The following SCYL3 variants were observed in gnomAD, a reference collection of about 807,000 sequenced individuals.
SCYL3 encodes SCY1 like pseudokinase 3.
SCYL3 carries 35 observed loss-of-function variants against 73.8 expected under a neutral mutation model. The observed-to-expected ratio is 0.47, with a 90% CI of 0.36 to 0.63. The LOEUF is 0.63. SCYL3 is among the 20% of genes least tolerant of loss of function. The pLI is 0.00. For missense variants in SCYL3, 712 were observed against 798.9 expected (o/e 0.89, Z 1.31); for synonymous variants, 277 against 295.2 (o/e 0.94, Z 0.63).
At chr1:169,888,149 T>C (rs1661809282) in intron 2 of SCYL3, among the ~76,000 whole-genome samples, 1 of 152,260 alleles carries the variant, frequency 6.6e-6, no homozygotes, top group Non-Finnish European at 1.5e-5. Flanking sequence ...TGGGGTTATT[T>C]TATTGACTTA....
chr1:169,876,143 G>T (rs1344819542), intron 3 of SCYL3, 52 bp from the exon 4 acceptor site: 2 of 1,048,392 alleles, frequency 1.9e-6, no homozygotes, highest in Non-Finnish European at 2.7e-6. Context: ...ATCTGAAATA[G>T]AAATTTACTT....
intron 4 of SCYL3, among the ~76,000 whole-genome samples, chr1:169,874,439 C>T (rs982936565): frequency 1.6e-4 from 24 of 152,072 alleles, no homozygotes; most frequent in African/African-American, 4.1e-4. Flanking sequence ...AGGGGAATGC[C>T]TAGGGGAAGG....
chr1:169,869,647 C>T (rs2102168776), intron 6 of SCYL3, among the ~76,000 whole-genome samples: 1 of 152,238 alleles, frequency 6.6e-6, no homozygotes, highest in Admixed American at 6.5e-5. Flanking sequence ...ACACATGCCT[C>T]AGTAAACTCA....
intron 1 of SCYL3, among the ~76,000 whole-genome samples, chr1:169,893,330 G>A (rs1418125558): frequency 6.6e-6 from 1 of 152,152 alleles, no homozygotes; most frequent in Non-Finnish European, 1.5e-5. Flanking sequence ...TCCCGAGGGC[G>A]GGCGCGCCCC....
At chr1:169,887,497 C>A (rs956867558) in intron 2 of SCYL3, among the ~76,000 whole-genome samples, 1 of 152,056 alleles carries the variant, frequency 6.6e-6, no homozygotes, top group African/African-American at 2.4e-5. Flanking sequence ...AATGCACAAT[C>A]TTATTAGATG....
intron 2 of SCYL3, among the ~76,000 whole-genome samples, chr1:169,883,525 A>G (rs527928034): frequency 2.2e-4 from 34 of 152,254 alleles, no homozygotes; most frequent in African/African-American, 7.5e-4. Flanking sequence ...AACCCTCAAT[A>G]TATTACCAGG....
chr1:169,873,629 G>C, intron 5 of SCYL3, 67 bp downstream of exon 5: 1 of 1,126,552 alleles, frequency 8.9e-7, no homozygotes, highest in Non-Finnish European at 1.3e-6. Flanking sequence ...GCAGAGGAAA[G>C]TTTTTTAAAA....
intron 2 of SCYL3, among the ~76,000 whole-genome samples, chr1:169,881,908 G>T (rs1352266379): frequency 1.3e-5 from 2 of 152,220 alleles, no homozygotes; most frequent in African/African-American, 4.8e-5. Flanking sequence ...TAGGGTTCCT[G>T]CTCCTATGAG....
chr1:169,853,152 G>A lies in SCYL3; in HGVS notation c.*561C>T, dbSNP rs1388827151. The A allele has an allele frequency of 1.4e-6, 1 of 707,798 alleles. No individual in the cohort carries two copies. The highest frequency in any genetic ancestry group is 1.8e-5 in the African/African-American group (1 of 55,610). 43.8% of individuals were successfully genotyped at this position (707,798 alleles called of 1,614,324 possible). A position where few individuals can be genotyped will look rare whatever the true frequency, so the allele number is the denominator to read the frequency against. On this transcript the variant is annotated 3_prime_UTR_variant, in exon 13 of 13. Coordinates refer to ENST00000367771, the MANE Select transcript of SCYL3 (RefSeq NM_020423.7). ...GGATTGTGGGGAATATTCTTATTAAGAACTTTGGTACAATGTACTACATGT... is the reference window on the plus strand; with the variant it reads ...GGATTGTGGGGAATATTCTTATTAAAAACTTTGGTACAATGTACTACATGT...
At chr1:169,879,884 T>C (rs991470791) in intron 2 of SCYL3, among the ~76,000 whole-genome samples, 7 of 152,182 alleles carry the variant, frequency 4.6e-5, no homozygotes, top group Non-Finnish European at 1.0e-4. Context: ...AATTAATGTA[T>C]AGACTCATTA....
chr1:169,878,583 C>A, intron 3 of SCYL3, 51 bp downstream of exon 3: 1 of 1,415,928 alleles, frequency 7.1e-7, no homozygotes, highest in Non-Finnish European at 9.7e-7. Flanking sequence ...CATCACCCTC[C>A]CACCCCCATC....
Position 169,853,735 on chromosome 1 carries a change from T to C in SCYL3, c.2045A>G (p.Asn682Ser). The change falls in exon 13 of 13, where the codon AAC (asparagine) becomes AGC (serine). Residue 682 changes from asparagine (N) to serine (S), a missense_variant. Asn to Ser is a conservative substitution (Grantham distance 46, BLOSUM62 1). Around this residue, in one of 2 missense-constraint regions of SCYL3, gnomAD observed 370 missense variants for 350.8 expected, o/e 1.05. Coordinates refer to ENST00000367771, the MANE Select transcript of SCYL3 (RefSeq NM_020423.7). Reference protein sequence around the residue: ...AEGWEEEGELNWEDNNW With the variant: ...AEGWEEEGELSWEDNNW ...TTGTCACCAGTTATTATCTTCCCAG[T>C]TCAGCTCCCCTTCTTCTTCCCAGCC... 6.2e-7 allele frequency: 1 copy of C among 1,613,914 alleles called. No individual in the cohort carries two copies. The highest frequency in any genetic ancestry group is 1.3e-5 in the African/African-American group (1 of 75,046).
chr1:169,863,651 C>T (rs1485257133), intron 9 of SCYL3, among the ~76,000 whole-genome samples: 1 of 152,100 alleles, frequency 6.6e-6, no homozygotes, highest in Non-Finnish European at 1.5e-5. Flanking sequence ...TTTCAAAAAG[C>T]AACATAGGTG....
In SCYL3 at chr1:169,864,470, A is replaced by G; in HGVS notation, c.854T>C (p.Leu285Ser). 1 of 1,610,402 alleles carries G rather than the reference A, an allele frequency of 6.2e-7. No individual in the cohort carries two copies. Among genetic ancestry groups the G allele is most frequent in the Non-Finnish European group, 8.5e-7 (1 of 1,178,978 alleles). ...AAGAGGCACCAACCTTGAAGCTATC[A>G]ATTCCTCTGACAAGCAGCTGACTCT... ...LDRVSCLSEE[L>S]IASRLVPLLL... is the part of the protein sequence containing the mutation. The change falls in exon 9 of 13, where the codon TTG becomes TCG. Residue 285 changes from leucine (L) to serine (S), a missense_variant. Around this residue, in one of 2 missense-constraint regions of SCYL3, gnomAD observed 342 missense variants for 448.1 expected, o/e 0.76. Coordinates refer to ENST00000367771, the MANE Select transcript of SCYL3 (RefSeq NM_020423.7).
Position 169,888,741 on chromosome 1 carries a change from C to T in SCYL3, c.100G>A (p.Gly34Ser), listed in dbSNP as rs1661853910. ...TACACAAAAACTGAAGCAAATTTGC[C>T]ATCTTGCAGTACAGCGGGATAAACA... ...LAVYPAVLQD[G>S]KFASVFVYKR... The change falls in exon 2 of 13, where the codon GGC becomes AGC. Residue 34 changes from glycine (G) to serine (S), a missense_variant. Physicochemically the swap from Gly to Ser is moderately conservative, Grantham distance 56. Around this residue, in one of 2 missense-constraint regions of SCYL3, gnomAD observed 342 missense variants for 448.1 expected, o/e 0.76. Transcript: ENST00000367771. The T allele has an allele frequency of 6.2e-7, 1 of 1,613,892 alleles. No homozygotes were observed. The highest frequency in any genetic ancestry group is 8.5e-7 in the Non-Finnish European group (1 of 1,179,952).
At chr1:169,856,094 C>T (rs548703316) in intron 11 of SCYL3, 2 of 757,080 alleles carry the variant, frequency 2.6e-6, no homozygotes, top group Admixed American at 5.9e-5. Context: ...GAGAGAACAT[C>T]TTCAAACATT....
intron 11 of SCYL3, among the ~76,000 whole-genome samples, chr1:169,855,485 C>T (rs940367221): frequency 1.3e-5 from 2 of 152,172 alleles, no homozygotes; most frequent in African/African-American, 4.8e-5. Flanking sequence ...TTTCACAACA[C>T]GCCCATTAAC....
rs1196452580 is a variant in SCYL3 at position 169,888,837 on chromosome 1, C to T, written c.4G>A (p.Gly2Arg). M[G>R]SENSALKSYT... ...CTCTTTAAAGCACTGTTCTCTGATC[C>T]CATCCCTTATGCAGTGAGGCAGTAC... Residue 2 changes from glycine to arginine, a missense_variant, in exon 2 of 13, where the codon GGA becomes AGA. Physicochemically the swap from Gly to Arg is moderately radical, Grantham distance 125. Transcript: ENST00000367771. The T allele has an allele frequency of 1.9e-6, 3 of 1,608,688 alleles. No individual in the cohort carries two copies. Among genetic ancestry groups the T allele is most frequent in the Non-Finnish European group, 2.5e-6 (3 of 1,177,338 alleles).
At chr1:169,855,010 G>A (rs557793883) in intron 11 of SCYL3, 46 bp from the exon 12 acceptor site, 4 of 1,347,724 alleles carry the variant, frequency 3.0e-6, no homozygotes, top group Non-Finnish European at 4.1e-6. Flanking sequence ...TTAAAGGTAA[G>A]AACTACACTT....
Sources: gnomAD v4.1 joint callset for allele counts (sites outside exome capture counted in the v4.1 genomes callset) on GRCh38, gnomAD v4.1.1 for gene constraint, gnomAD v4.1.1 regional missense constraint, MANE v1.5 for transcripts, NCBI Gene and HGNC (gene_info 2026-07-23, HGNC 2026-07-21) for gene names.